Variants in DOCK3 observed in about 807,000 individuals in gnomAD.
DOCK3 encodes the protein dedicator of cytokinesis 3, also known as dedicator of cytokinesis protein 3.
In DOCK3, 60 loss-of-function variants were observed where a neutral mutation model predicts 265.6. That is an observed-to-expected ratio of 0.23 (90% CI 0.18 to 0.28). DOCK3 has a LOEUF of 0.28. Among genes scored for constraint, DOCK3 ranks in the 10% least tolerant of loss-of-function variants. The pLI is 1.00. For missense variants in DOCK3, 1,981 were observed against 2,594.3 expected (o/e 0.76, Z 5.14); for synonymous variants, 881 against 938.0 (o/e 0.94, Z 1.11).
intron 7 of DOCK3, among the ~76,000 whole-genome samples, chr3:51,081,288 G>A (rs1254318285): frequency 6.6e-6 from 1 of 152,016 alleles, no homozygotes; most frequent in African/African-American, 2.4e-5. Context: ...TACCTCTAGG[G>A]TCCAAAAGGA....
At chr3:50,954,980 A>G (rs1216735665) in intron 5 of DOCK3, among the ~76,000 whole-genome samples, 2 of 152,078 alleles carry the variant, frequency 1.3e-5, no homozygotes, top group African/African-American at 2.4e-5. Context: ...TCTTTAATCC[A>G]TCTTGAGTTG....
intron 31 of DOCK3, among the ~76,000 whole-genome samples, chr3:51,313,254 A>G (rs761615802): frequency 5.9e-5 from 9 of 152,234 alleles, no homozygotes; most frequent in African/African-American, 9.6e-5. Context: ...TGGATGTTGC[A>G]GGCTCAAAAG....
intron 5 of DOCK3, among the ~76,000 whole-genome samples, chr3:51,047,875 C>G (rs1267304718): frequency 6.6e-6 from 1 of 152,152 alleles, no homozygotes; most frequent in African/African-American, 2.4e-5. Context: ...GCACTTCCAA[C>G]TCATTTTATG....
At chr3:51,206,606 A>G (rs1401210585) in intron 12 of DOCK3, among the ~76,000 whole-genome samples, 1 of 152,148 alleles carries the variant, frequency 6.6e-6, no homozygotes, top group Non-Finnish European at 1.5e-5. Context: ...AAGAAATACC[A>G]TTAATAAAGT....
chr3:51,101,207 G>A (rs1225314025), intron 9 of DOCK3, among the ~76,000 whole-genome samples: 1 of 143,174 alleles, frequency 7.0e-6, no homozygotes, highest in African/African-American at 2.6e-5. Context: ...TGCAAGCTCC[G>A]CTTCCCGGGT....
chr3:51,224,569 A>G lies in DOCK3; in HGVS notation c.1253-1080A>G, dbSNP rs751330202. ...TTTGAATGTACTAGTTTTTCTAAGAACTGAAGTAGAAAAAATTACCTGGTT... is the reference window on the plus strand; with the variant it reads ...TTTGAATGTACTAGTTTTTCTAAGAGCTGAAGTAGAAAAAATTACCTGGTT... On this transcript the variant is annotated intron_variant, in intron 14 of 52. Transcript: ENST00000266037. 7.7e-4 allele frequency among the ~76,000 whole-genome samples: 117 copies of G among 152,158 alleles called. 1 individual carries two copies. The highest frequency in any genetic ancestry group is 1.6e-3 in the Non-Finnish European group (108 of 68,028).
At chr3:51,035,668 A>C (rs2080237930) in intron 5 of DOCK3, among the ~76,000 whole-genome samples, 1 of 152,200 alleles carries the variant, frequency 6.6e-6, no homozygotes, top group African/African-American at 2.4e-5. Flanking sequence ...TAAATGTTAT[A>C]GAGAATCTAG....
At chr3:51,354,850 A>G (rs761104382) in intron 40 of DOCK3, 32 bp from the exon 41 acceptor site, 1 of 1,607,258 alleles carries the variant, frequency 6.2e-7, no homozygotes, top group African/African-American at 1.3e-5. Flanking sequence ...CAAGCAAAGC[A>G]TACATAGAGT....
intron 1 of DOCK3, among the ~76,000 whole-genome samples, chr3:50,701,536 T>C (rs952104037): frequency 1.3e-5 from 2 of 152,220 alleles, no homozygotes; most frequent in Non-Finnish European, 2.9e-5. Context: ...TTCTGTGTGT[T>C]GTCTCTTTAC....
chr3:51,186,278 G>A (rs2087597348), intron 12 of DOCK3, among the ~76,000 whole-genome samples: 1 of 152,124 alleles, frequency 6.6e-6, no homozygotes, highest in Admixed American at 6.5e-5. Flanking sequence ...GCAGCCTTTT[G>A]CCCCTGTCAT....
intron 5 of DOCK3, among the ~76,000 whole-genome samples, chr3:50,972,695 G>C (rs1022508860): frequency 6.6e-6 from 1 of 152,184 alleles, no homozygotes; most frequent in African/African-American, 2.4e-5. Flanking sequence ...TAGGACTCCA[G>C]TGATGTGGAA....
At chr3:51,248,838 C>T (rs2078981517) in intron 22 of DOCK3, among the ~76,000 whole-genome samples, 3 of 142,906 alleles carry the variant, frequency 2.1e-5, no homozygotes, top group Admixed American at 2.1e-4. Flanking sequence ...AGCACCTCTG[C>T]CCCGCCGCCC....
chr3:51,312,794 C>T, intron 30 of DOCK3, 50 bp from the exon 31 acceptor site: 6 of 1,566,938 alleles, frequency 3.8e-6, no homozygotes, highest in Non-Finnish European at 5.2e-6. Context: ...CAGCCCTATC[C>T]TCCTGAACCT....
intron 1 of DOCK3, among the ~76,000 whole-genome samples, chr3:50,711,157 G>A (rs1204313174): frequency 6.6e-6 from 1 of 151,662 alleles, no homozygotes; most frequent in Non-Finnish European, 1.5e-5. Context: ...TGATTACTAT[G>A]GTTTTTGTCC....
chr3:51,356,616 C>A, intron 43 of DOCK3, 123 bp downstream of exon 43: 1 of 915,784 alleles, frequency 1.1e-6, no homozygotes. Flanking sequence ...AAGGCTCCCA[C>A]AGGTCAACCC....
intron 27 of DOCK3, among the ~76,000 whole-genome samples, chr3:51,294,150 T>C (rs2109214756): frequency 6.6e-6 from 1 of 152,336 alleles, no homozygotes; most frequent in Admixed American, 6.5e-5. Context: ...CCATGTTCAT[T>C]GCAGTGTTAT....
At chr3:51,034,689 G>A (rs1272283364) in intron 5 of DOCK3, among the ~76,000 whole-genome samples, 6 of 152,080 alleles carry the variant, frequency 3.9e-5, no homozygotes, top group Non-Finnish European at 1.5e-5. Flanking sequence ...ACTGGTTCCA[G>A]TGTTATTCAT....
chr3:51,010,472 G>A (rs2078900881), intron 5 of DOCK3, among the ~76,000 whole-genome samples: 1 of 151,812 alleles, frequency 6.6e-6, no homozygotes, highest in Non-Finnish European at 1.5e-5. Flanking sequence ...TGTTTTCTTG[G>A]TAGATATTCC....
chr3:51,214,811 G>T (rs574879639), intron 14 of DOCK3, among the ~76,000 whole-genome samples: 2 of 152,118 alleles, frequency 1.3e-5, no homozygotes, highest in Non-Finnish European at 2.9e-5. Context: ...CTAATGCCCC[G>T]TGGAGAGCCA....
Sources: gnomAD v4.1 joint callset for allele counts (sites outside exome capture counted in the v4.1 genomes callset) on GRCh38, gnomAD v4.1.1 for gene constraint, MANE v1.5 for transcripts, NCBI Gene and HGNC (gene_info 2026-07-23, HGNC 2026-07-21) for gene names.